The following RBFOX1 variants were observed in gnomAD, a reference collection of about 807,000 sequenced individuals.
The protein encoded by RBFOX1 is RNA binding protein fox-1 homolog 1.
In RBFOX1, 8 loss-of-function variants were observed where a neutral mutation model predicts 57.7. The ratio of observed to expected loss-of-function variants is 0.14; its 90% CI spans 0.08 to 0.25. The LOEUF (loss-of-function observed/expected upper bound fraction) is 0.25, where lower values mean the gene tolerates loss of function less well. RBFOX1 is among the 10% of genes least tolerant of loss of function. RBFOX1 has a pLI of 1.00. For synonymous variants in RBFOX1, 326 were observed against 222.4 expected (o/e 1.47, Z -4.15); for missense variants, 611 against 548.5 (o/e 1.11, Z -1.14).
At position 6,609,786 on chromosome 16, in the gene RBFOX1, AATTAC is replaced by A. The variant is rs1426773653; in HGVS notation, c.-63-44815_-63-44811del. ...GCACTTTGGGAGGCCGAGGCAGGCA[AATTAC>A]AAGGTCAAAAGGTCAAGACCATCCT... On this transcript the variant is annotated intron_variant, in intron 2 of 15. Coordinates refer to ENST00000550418, the MANE Select transcript of RBFOX1 (RefSeq NM_018723.4). 3.3e-5 allele frequency among the ~76,000 whole-genome samples: 5 copies of A among 152,050 alleles called. No individual in the cohort carries two copies. In the East Asian group the frequency reaches 9.7e-4, roughly 30 times the overall value.
intron 3 of RBFOX1, among the ~76,000 whole-genome samples, chr16:6,752,979 A>G (rs1012901723): frequency 6.6e-6 from 1 of 152,202 alleles, no homozygotes; most frequent in Non-Finnish European, 1.5e-5. Flanking sequence ...GAAGGGAAAA[A>G]TACAAATGTG....
intron 2 of RBFOX1, among the ~76,000 whole-genome samples, chr16:6,601,059 T>G (rs1289400699): frequency 6.6e-6 from 1 of 152,180 alleles, no homozygotes; most frequent in Non-Finnish European, 1.5e-5. Context: ...TTTGAAAACT[T>G]TTTGTGTCAG....
chr16:7,297,250 G>A (rs1305120158), intron 4 of RBFOX1, among the ~76,000 whole-genome samples: 1 of 152,202 alleles, frequency 6.6e-6, no homozygotes, highest in African/African-American at 2.4e-5. Flanking sequence ...GAGGCTTGAT[G>A]TAAAGACAAA....
At chr16:7,201,850 C>A (rs374398644) in intron 4 of RBFOX1, among the ~76,000 whole-genome samples, 1 of 152,264 alleles carries the variant, frequency 6.6e-6, no homozygotes, top group African/African-American at 2.4e-5. Context: ...TGGGCAGTGA[C>A]TGTAGACTGT....
At chr16:7,537,082 G>T (rs763233512) in intron 5 of RBFOX1, among the ~76,000 whole-genome samples, 4 of 152,210 alleles carry the variant, frequency 2.6e-5, no homozygotes, top group Non-Finnish European at 4.4e-5. Context: ...TAAGCAGAAA[G>T]AATCCCATCA....
chr16:6,348,002 G>A (rs1035883511), intron 2 of RBFOX1, among the ~76,000 whole-genome samples: 1 of 152,218 alleles, frequency 6.6e-6, no homozygotes, highest in Non-Finnish European at 1.5e-5. Flanking sequence ...AGGCGTGAAA[G>A]TGGGTGGTGG....
chr16:6,976,839 T>G (rs2087029417), intron 3 of RBFOX1, among the ~76,000 whole-genome samples: 1 of 139,312 alleles, frequency 7.2e-6, no homozygotes, highest in African/African-American at 2.7e-5. Flanking sequence ...AATGTACCTA[T>G]CATATGATGT....
At chr16:5,639,343 A>T (rs1267938535) in intron 3 of RBFOX1, among the ~76,000 whole-genome samples, 2 of 152,200 alleles carry the variant, frequency 1.3e-5, no homozygotes, top group African/African-American at 4.8e-5. Context: ...CCTTGGCAAC[A>T]TCTCATCCAC....
intron 2 of RBFOX1, among the ~76,000 whole-genome samples, chr16:5,542,177 C>G (rs1057240387): frequency 6.6e-6 from 1 of 151,806 alleles, no homozygotes; most frequent in Non-Finnish European, 1.5e-5. Context: ...TAGCTTAATT[C>G]CACCTCCCCT....
chr16:6,217,446 C>G (rs111599718), intron 1 of RBFOX1, among the ~76,000 whole-genome samples: 3 of 152,082 alleles, frequency 2.0e-5, no homozygotes, highest in Admixed American at 6.5e-5. Flanking sequence ...TCAGTATTAT[C>G]GGGACCTTCC....
intron 14 of RBFOX1, among the ~76,000 whole-genome samples, chr16:7,687,251 T>C (rs2076263000): frequency 1.3e-5 from 2 of 152,050 alleles, no homozygotes; most frequent in Non-Finnish European, 2.9e-5. Flanking sequence ...CTGAATGGGA[T>C]TTGTACCATT....
At chr16:7,092,014 A>G (rs935526457) in intron 4 of RBFOX1, among the ~76,000 whole-genome samples, 1 of 152,168 alleles carries the variant, frequency 6.6e-6, no homozygotes, top group South Asian at 2.1e-4. Flanking sequence ...TTTGTAGTAA[A>G]ATTAGTCAAT....
chr16:7,459,208 C>A (rs1219702847), intron 4 of RBFOX1, among the ~76,000 whole-genome samples: 1 of 151,958 alleles, frequency 6.6e-6, no homozygotes, highest in Non-Finnish European at 1.5e-5. Context: ...AAGAATTTGG[C>A]CTTGGGTTTT....
At chr16:7,455,140 G>C (rs1303949292) in intron 4 of RBFOX1, among the ~76,000 whole-genome samples, 1 of 152,202 alleles carries the variant, frequency 6.6e-6, no homozygotes, top group Non-Finnish European at 1.5e-5. Context: ...CATCTGGAAT[G>C]AATATTATTA....
chr16:7,574,104 A>C (rs774740503), intron 5 of RBFOX1, among the ~76,000 whole-genome samples: 1 of 152,162 alleles, frequency 6.6e-6, no homozygotes, highest in Non-Finnish European at 1.5e-5. Context: ...AATGAGGCAC[A>C]CTAGTAGGTA....
At chr16:5,749,809 G>A (rs548414743) in intron 3 of RBFOX1, among the ~76,000 whole-genome samples, 81 of 152,188 alleles carry the variant, frequency 5.3e-4, no homozygotes, top group African/African-American at 1.5e-3. Context: ...CGATGGGTTC[G>A]AACTTCCTCC....
At chr16:7,001,278 T>A (rs936216965) in intron 3 of RBFOX1, among the ~76,000 whole-genome samples, 1 of 152,084 alleles carries the variant, frequency 6.6e-6, no homozygotes, top group Non-Finnish European at 1.5e-5. Flanking sequence ...ATGGAGAGAT[T>A]CCTTGCTTTG....
In RBFOX1 at chr16:5,587,160, C is replaced by A. The variant is rs148176270; in HGVS notation, c.259-11742C>A. On this transcript the variant is annotated intron_variant, in intron 2 of 2. Coordinates refer to the RBFOX1 transcript ENST00000585867. The stretch of plus-strand genomic sequence containing the variant: ...AAGACACTGTTCAAAAGTGAGCAAC[C>A]CATTGAGTTGGGAGAGTATATATGC... 5.1e-3 allele frequency among the ~76,000 whole-genome samples: 777 copies of A among 152,238 alleles called. 6 individuals are homozygous for A. Among genetic ancestry groups the A allele is most frequent in the Middle Eastern group, 0.01 (3 of 294 alleles).
intron 3 of RBFOX1, among the ~76,000 whole-genome samples, chr16:7,038,980 A>T (rs1291343863): frequency 1.3e-5 from 2 of 152,312 alleles, no homozygotes; most frequent in East Asian, 3.9e-4. Context: ...CCAGTGACTT[A>T]TAGCCAGAGC....
Sources: gnomAD v4.1 joint callset for allele counts (sites outside exome capture counted in the v4.1 genomes callset) on GRCh38, gnomAD v4.1.1 for gene constraint, MANE v1.5 for transcripts, NCBI Gene and HGNC (gene_info 2026-07-23, HGNC 2026-07-21) for gene names.